The following LSAMP variants were observed in gnomAD, a reference collection of about 807,000 sequenced individuals.
LSAMP encodes limbic system associated membrane protein.
A neutral mutation model predicts 38.6 loss-of-function variants in LSAMP; 7 were observed. The observed-to-expected ratio is 0.18, with a 90% CI of 0.10 to 0.34. The LOEUF (loss-of-function observed/expected upper bound fraction) is 0.34. LSAMP is among the 10% of genes least tolerant of loss of function. The probability of loss-of-function intolerance (pLI) is 1.00; values close to 1 mark genes in which losing one functional copy is unlikely to be tolerated. For missense variants in LSAMP, 313 were observed against 420.0 expected (o/e 0.75, Z 2.23); for synonymous variants, 154 against 166.8 (o/e 0.92, Z 0.59).
chr3:115,914,532 G>C (rs1937205037), intron 3 of LSAMP, among the ~76,000 whole-genome samples: 1 of 152,162 alleles, frequency 6.6e-6, no homozygotes, highest in African/African-American at 2.4e-5. Context: ...ATTCAGAGTT[G>C]AGCCCAATCT....
At chr3:116,312,851 T>C (rs2047575836) in intron 1 of LSAMP, among the ~76,000 whole-genome samples, 1 of 152,236 alleles carries the variant, frequency 6.6e-6, no homozygotes, top group Admixed American at 6.5e-5. Context: ...TGTGTATGTG[T>C]GTTTCTGTGT....
chr3:115,866,417 T>C (rs1935862105), intron 3 of LSAMP, among the ~76,000 whole-genome samples: 1 of 152,112 alleles, frequency 6.6e-6, no homozygotes, highest in African/African-American at 2.4e-5. Context: ...TAAAAATCAC[T>C]GAGAATAGGT....
chr3:116,091,593 T>C (rs1318682228), intron 1 of LSAMP, among the ~76,000 whole-genome samples: 3 of 152,346 alleles, frequency 2.0e-5, no homozygotes, highest in African/African-American at 7.2e-5. Flanking sequence ...CAATCCACGT[T>C]CTTCTGTCAT....
At chr3:116,278,698 AAT>A (rs1312360478) in intron 1 of LSAMP, among the ~76,000 whole-genome samples, 1 of 152,220 alleles carries the variant, frequency 6.6e-6, no homozygotes, top group African/African-American at 2.4e-5. Flanking sequence ...TTTTGATGAT[AAT>A]ATTATCCACG....
intron 3 of LSAMP, among the ~76,000 whole-genome samples, chr3:116,015,294 G>A (rs1307955412): frequency 2.0e-5 from 3 of 152,094 alleles, no homozygotes; most frequent in Admixed American, 6.6e-5. Flanking sequence ...CTGTGACCCT[G>A]AGCAATCCTG....
chr3:116,292,192 G>T (rs1194862842), intron 1 of LSAMP, among the ~76,000 whole-genome samples: 1 of 152,092 alleles, frequency 6.6e-6, no homozygotes, highest in African/African-American at 2.4e-5. Flanking sequence ...ATACAAGTAG[G>T]AAATAATATC....
intron 2 of LSAMP, among the ~76,000 whole-genome samples, chr3:116,073,112 AT>A (rs1707652381): frequency 1.3e-5 from 2 of 152,070 alleles, no homozygotes; most frequent in African/African-American, 4.8e-5. Context: ...TCCAATTTCA[AT>A]TTTCTGCATA....
At chr3:115,852,732 G>T in intron 3 of LSAMP, 115 bp from the exon 4 acceptor site, 1 of 1,058,418 alleles carries the variant, frequency 9.4e-7, no homozygotes, top group Non-Finnish European at 1.3e-6. Flanking sequence ...ATTTGAAAAT[G>T]TACTTTGTCT....
At chr3:115,939,441 C>T (rs973422809) in intron 3 of LSAMP, among the ~76,000 whole-genome samples, 5 of 152,058 alleles carry the variant, frequency 3.3e-5, no homozygotes, top group Non-Finnish European at 7.4e-5. Flanking sequence ...TTTATTTTTG[C>T]TTCTATTGCC....
chr3:116,380,666 G>A (rs184895914), intron 1 of LSAMP, among the ~76,000 whole-genome samples: 4 of 152,108 alleles, frequency 2.6e-5, no homozygotes, highest in Admixed American at 2.6e-4. Context: ...ACTATATAAA[G>A]AGCTCTATAA....
intron 3 of LSAMP, among the ~76,000 whole-genome samples, chr3:115,892,832 A>G (rs1936634660): frequency 6.7e-6 from 1 of 148,380 alleles, no homozygotes; most frequent in African/African-American, 2.5e-5. Context: ...CATCAATTAT[A>G]TTATATATAT....
At chr3:116,222,902 A>AT (rs1346130824) in intron 1 of LSAMP, among the ~76,000 whole-genome samples, 27 of 144,780 alleles carry the variant, frequency 1.9e-4, no homozygotes, top group African/African-American at 4.6e-4. Flanking sequence ...TGCCCGGCTA[A>AT]TTTTTTTTTG....
chr3:116,264,879 A>T (rs7653653), intron 1 of LSAMP, among the ~76,000 whole-genome samples: 1 of 141,712 alleles, frequency 7.1e-6, no homozygotes, highest in Non-Finnish European at 1.5e-5. Context: ...GTGCTGGGGG[A>T]AAAAAAAAAG....
chr3:116,287,728 C>T (rs527273397), intron 1 of LSAMP, among the ~76,000 whole-genome samples: 10 of 152,164 alleles, frequency 6.6e-5, no homozygotes, highest in African/African-American at 9.7e-5. Flanking sequence ...ACTTTACCAA[C>T]CTCATCACCA....
intron 3 of LSAMP, among the ~76,000 whole-genome samples, chr3:115,926,785 T>G (rs1262652724): frequency 1.3e-5 from 2 of 152,216 alleles, no homozygotes; most frequent in African/African-American, 4.8e-5. Context: ...TCCCCAGGCT[T>G]CTGAAAGTTT....
rs777590389 is a variant in LSAMP, at chr3:115,852,529, G to A, written c.603C>T (p.Asn201=). ...QSGKYECKAA[N]EVSSADVKQV... Reference sequence around the variant, plus strand: ...GTTTGACATCCGCCGAGGAGACCTCGTTGGCAGCTTTGCACTCATATTTGC... The same window carrying A: ...GTTTGACATCCGCCGAGGAGACCTCATTGGCAGCTTTGCACTCATATTTGC... Residue 201 remains asparagine (N), a synonymous_variant, in exon 4 of 7, where the codon AAC becomes AAT. Coordinates refer to ENST00000490035, the MANE Select transcript of LSAMP (RefSeq NM_002338.5). 26 of 1,613,684 alleles carry A rather than the reference G, an allele frequency of 1.6e-5. No individual in the cohort carries two copies. Among genetic ancestry groups the A allele is most frequent in the African/African-American group, 4.0e-5 (3 of 74,888 alleles).
At chr3:115,990,862 G>T (rs1421038533) in intron 3 of LSAMP, among the ~76,000 whole-genome samples, 1 of 151,974 alleles carries the variant, frequency 6.6e-6, no homozygotes, top group African/African-American at 2.4e-5. Context: ...CTTATCCTCA[G>T]AGGCTTTTAT....
chr3:115,912,134 G>A (rs1937149136), intron 3 of LSAMP, among the ~76,000 whole-genome samples: 1 of 152,056 alleles, frequency 6.6e-6, no homozygotes, highest in Admixed American at 6.6e-5. Flanking sequence ...CAGGTCTTTT[G>A]CAAAGCAGAA....
intron 1 of LSAMP, among the ~76,000 whole-genome samples, chr3:116,158,304 A>T (rs929441562): frequency 2.6e-5 from 4 of 152,126 alleles, no homozygotes; most frequent in Non-Finnish European, 5.9e-5. Context: ...CAAGAGAAGG[A>T]TGCCCTCTCT....
Sources: allele counts gnomAD v4.1 joint callset (sites outside exome capture counted in the v4.1 genomes callset), GRCh38; gene constraint gnomAD v4.1.1; transcripts MANE v1.5; gene names NCBI Gene and HGNC (gene_info 2026-07-23, HGNC 2026-07-21).